LTBP1: variants seen among roughly 807,000 people sequenced by gnomAD.
LTBP1 encodes the protein latent transforming growth factor beta binding protein 1.
LTBP1 carries 129 observed loss-of-function variants against 207.6 expected under a neutral mutation model. The ratio of observed to expected loss-of-function variants is 0.62; its 90% CI spans 0.54 to 0.72. LTBP1 has a LOEUF of 0.72. Ranked by LOEUF, LTBP1 falls within the 30% of genes least tolerant of loss-of-function variation. The probability of loss-of-function intolerance (pLI) is 0.00; values close to 1 mark genes in which losing one functional copy is unlikely to be tolerated. For missense variants in LTBP1, 2,281 were observed against 2,217.2 expected (o/e 1.03, Z -0.58); for synonymous variants, 963 against 833.7 (o/e 1.16, Z -2.67).
At chr2:33,095,844 A>C (rs962776921) in intron 3 of LTBP1, among the ~76,000 whole-genome samples, 2 of 152,140 alleles carry the variant, frequency 1.3e-5, no homozygotes, top group Non-Finnish European at 2.9e-5. Context: ...CAAAGAGAAA[A>C]ATTATTAAAG....
At chr2:33,174,197 G>GA (rs1311604749) in intron 5 of LTBP1, among the ~76,000 whole-genome samples, 1 of 147,206 alleles carries the variant, frequency 6.8e-6, no homozygotes, top group Non-Finnish European at 1.5e-5. Flanking sequence ...ATTCAATTAG[G>GA]AAAAGAGGAA....
chr2:33,151,854 TG>T lies in LTBP1; in HGVS notation c.1201+16895del, dbSNP rs1435506535. On this transcript the variant is annotated intron_variant, in intron 5 of 33. Coordinates refer to ENST00000404816, the MANE Select transcript of LTBP1 (RefSeq NM_206943.4). ...GTGTGTGTGTGTGTGTGTGTGTGTG[TG>T]TGTGTGTGTGTGTGTGTGTGTGTAT... 1.5e-3 allele frequency among the ~76,000 whole-genome samples: 226 copies of T among 151,218 alleles called. 2 individuals are homozygous for T. The highest frequency in any genetic ancestry group is 0.014 in the Middle Eastern group (4 of 294).
chr2:33,181,305 A>G (rs4670836), intron 5 of LTBP1, among the ~76,000 whole-genome samples: 66,925 of 152,134 alleles, frequency 0.44, 15,395 homozygotes, highest in Non-Finnish European at 0.5. Flanking sequence ...AGTCATGAAT[A>G]TTTGTTCATC....
intron 19 of LTBP1, 114 bp downstream of exon 19, chr2:33,280,272 C>A (rs2093533552): frequency 1.8e-6 from 2 of 1,104,252 alleles, no homozygotes; most frequent in Non-Finnish European, 2.4e-6. Context: ...TGAAATCTTA[C>A]ATCATTCTAA....
intron 19 of LTBP1, among the ~76,000 whole-genome samples, chr2:33,280,991 A>C (rs2093549909): frequency 6.6e-6 from 1 of 152,158 alleles, no homozygotes; most frequent in Non-Finnish European, 1.5e-5. Context: ...GGATCGCTTG[A>C]GTCCAGGAGT....
chr2:33,022,915 C>T (rs2075243937), intron 3 of LTBP1, among the ~76,000 whole-genome samples: 2 of 152,000 alleles, frequency 1.3e-5, no homozygotes, highest in African/African-American at 4.8e-5. Flanking sequence ...TTTTTCTCAA[C>T]CATTAAAAAA....
At chr2:33,277,809 CTTTTTTTCTTTCTT>C (rs2093471946) in intron 18 of LTBP1, among the ~76,000 whole-genome samples, 4 of 105,784 alleles carry the variant, frequency 3.8e-5, no homozygotes, top group African/African-American at 1.6e-4. Flanking sequence ...CTCTCTCTTT[CTTTTTTTCTTTCTT>C]TCTTTCTTTT....
chr2:33,205,167 G>T (rs577790948), intron 7 of LTBP1, among the ~76,000 whole-genome samples: 23 of 152,326 alleles, frequency 1.5e-4, no homozygotes, highest in African/African-American at 3.6e-4. Flanking sequence ...AAATGCTACT[G>T]ACTTAGAAGA....
At chr2:32,971,486 G>GT (rs1406739273) in intron 2 of LTBP1, among the ~76,000 whole-genome samples, 3 of 152,022 alleles carry the variant, frequency 2.0e-5, no homozygotes, top group Admixed American at 6.5e-5. Flanking sequence ...TTTATTGAGG[G>GT]TTTTTTTCAA....
chr2:33,396,990 T>A (rs1234951100), intron 32 of LTBP1, 143 bp from the exon 33 acceptor site: 3 of 682,106 alleles, frequency 4.4e-6, no homozygotes, highest in Non-Finnish European at 7.1e-6. Flanking sequence ...ATTCAGTATT[T>A]CTAATGCTAA....
chr2:33,087,593 C>T (rs2078837548), intron 3 of LTBP1, among the ~76,000 whole-genome samples: 1 of 152,168 alleles, frequency 6.6e-6, no homozygotes, highest in African/African-American at 2.4e-5. Flanking sequence ...TTCTTGACTT[C>T]AGATCACTTA....
intron 2 of LTBP1, among the ~76,000 whole-genome samples, chr2:33,003,125 G>A (rs1037725066): frequency 5.3e-5 from 8 of 152,120 alleles, no homozygotes; most frequent in Non-Finnish European, 8.8e-5. Flanking sequence ...GTTAAAATGG[G>A]GTCGTATCAT....
At position 33,293,223 on chromosome 2, in the gene LTBP1, C is replaced by T. The variant is rs747832122; in HGVS notation, c.3176C>T (p.Ser1059Phe). The T allele has an allele frequency of 7.4e-6, 12 of 1,613,962 alleles. No individual in the cohort carries two copies. The Middle Eastern group carries it at 6.6e-4, about 88-fold the overall frequency. ...GGTGATTGTTCCAACCTTGAAGGCTCCTACATGTGTTCATGCCACAAAGGC... is the reference window on the plus strand; with the variant it reads ...GGTGATTGTTCCAACCTTGAAGGCTTCTACATGTGTTCATGCCACAAAGGC... The part of the protein sequence containing the change: ...ANGDCSNLEG[S>F]YMCSCHKGYT... The change falls in exon 20 of 34, where the codon TCC becomes TTC. Residue 1059 changes from serine (S) to phenylalanine (F), a missense_variant. By Grantham distance (155) the Ser-to-Phe change is radical. This residue lies in a region of LTBP1 where 1,671 missense variants were observed against 1,634.8 expected (regional missense o/e 1.02). Coordinates refer to ENST00000404816, the MANE Select transcript of LTBP1 (RefSeq NM_206943.4).
At chr2:32,949,476 A>G (rs1309593716) in intron 2 of LTBP1, among the ~76,000 whole-genome samples, 2 of 152,184 alleles carry the variant, frequency 1.3e-5, no homozygotes, top group Admixed American at 6.5e-5. Context: ...GAACTGATGG[A>G]TGGGGTTCTC....
rs2093367031 is a variant in LTBP1 at position 33,273,720 on chromosome 2, G to C, written c.2682G>C (p.Val894=). The change falls in exon 16 of 34, where the codon GTG becomes GTC. Residue 894 remains valine (V), a synonymous_variant. Coordinates refer to ENST00000404816, the MANE Select transcript of LTBP1 (RefSeq NM_206943.4). ...CAGGACACTGCATTAACCTACCAGTGAGATATACCTGTATATGCTACGAGG... is the reference window on the plus strand; with the variant it reads ...CAGGACACTGCATTAACCTACCAGTCAGATATACCTGTATATGCTACGAGG... ...CGAGHCINLP[V]RYTCICYEGY... 1.2e-6 allele frequency: 2 copies of C among 1,612,052 alleles called. No individual in the cohort carries two copies.
chr2:33,123,896 G>A (rs1450398500), intron 4 of LTBP1, among the ~76,000 whole-genome samples: 2 of 151,942 alleles, frequency 1.3e-5, no homozygotes, highest in East Asian at 1.9e-4. Context: ...ACCAAAAATT[G>A]AATTTAAAAT....
intron 30 of LTBP1, 126 bp from the exon 31 acceptor site, chr2:33,365,207 A>T: frequency 1.3e-6 from 1 of 775,326 alleles, no homozygotes; most frequent in Non-Finnish European, 2.1e-6. Flanking sequence ...GACTGGATTC[A>T]GACTTTTACT....
chr2:33,051,616 G>C (rs951403513), intron 3 of LTBP1, among the ~76,000 whole-genome samples: 1 of 152,160 alleles, frequency 6.6e-6, no homozygotes, highest in African/African-American at 2.4e-5. Context: ...ATTCAGAGCT[G>C]GATTTTGTTT....
intron 4 of LTBP1, among the ~76,000 whole-genome samples, chr2:33,123,189 G>C (rs1027660788): frequency 6.6e-6 from 1 of 152,178 alleles, no homozygotes; most frequent in Non-Finnish European, 1.5e-5. Flanking sequence ...TGTTCTGCCT[G>C]GCCTGCGGGT....
Sources: allele counts gnomAD v4.1 joint callset (sites outside exome capture counted in the v4.1 genomes callset), GRCh38; gene constraint gnomAD v4.1.1; regional missense constraint gnomAD v4.1.1; transcripts MANE v1.5; gene names NCBI Gene and HGNC (gene_info 2026-07-23, HGNC 2026-07-21).